The following GAD1 variants were observed in gnomAD, a reference collection of about 807,000 sequenced individuals.
GAD1 encodes the protein 67 kDa glutamic acid decarboxylase.
In GAD1, 35 loss-of-function variants were observed where a neutral mutation model predicts 75.2. The observed-to-expected ratio is 0.47, with a 90% CI of 0.36 to 0.62. The LOEUF (loss-of-function observed/expected upper bound fraction) is 0.62, where lower values mean the gene tolerates loss of function less well. Among genes scored for constraint, GAD1 ranks in the 20% least tolerant of loss-of-function variants. The probability of loss-of-function intolerance (pLI) is 0.00; values close to 1 mark genes in which losing one functional copy is unlikely to be tolerated. For missense variants in GAD1, 490 were observed against 758.5 expected (o/e 0.65, Z 4.16); for synonymous variants, 257 against 271.9 (o/e 0.95, Z 0.54).
chr2:170,858,815 A>G lies in GAD1; in HGVS notation c.1533A>G (p.Thr511=). The G allele has an allele frequency of 6.2e-7, 1 of 1,614,166 alleles. No homozygotes were observed. Among genetic ancestry groups the G allele is most frequent in the Non-Finnish European group, 8.5e-7 (1 of 1,179,992 alleles). ...EMVFNGEPEH[T]NVCFWYIPQS... ...TAAAATCTCTGCAGCCTGAGCACAC[A>G]AACGTCTGTTTTTGGTATATTCCAC... Residue 511 remains threonine, a synonymous_variant, in exon 16 of 17, where the codon ACA becomes ACG. Coordinates refer to ENST00000358196, the MANE Select transcript of GAD1 (RefSeq NM_000817.3).
upstream of GAD1, among the ~76,000 whole-genome samples, chr2:170,815,875 A>C (rs886560928): frequency 2.6e-5 from 4 of 152,208 alleles, no homozygotes; most frequent in East Asian, 7.7e-4. Flanking sequence ...CCGGGAGCGC[A>C]GGGCCTCTCC....
In GAD1 at chr2:170,853,815, A is replaced by G; in HGVS notation, c.1264-58A>G. Reference sequence around the variant, plus strand: ...CTCCTTCCAAGCAGCCTAGTTTTAAAGCCACCCACATCTCTGATGTGTAAA... The same window carrying G: ...CTCCTTCCAAGCAGCCTAGTTTTAAGGCCACCCACATCTCTGATGTGTAAA... On this transcript the variant is annotated intron_variant, in intron 13 of 16. Coordinates refer to ENST00000358196, the MANE Select transcript of GAD1 (RefSeq NM_000817.3). The surrounding 1 kb of genome is among the most constrained non-coding windows in gnomAD (Gnocchi z 4.1). The G allele has an allele frequency of 6.3e-7, 1 of 1,593,956 alleles. No homozygotes were observed. Among genetic ancestry groups the G allele is most frequent in the Non-Finnish European group, 8.6e-7 (1 of 1,162,130 alleles).
upstream of GAD1, among the ~76,000 whole-genome samples, chr2:170,815,865 C>G (rs6755102): frequency 1.3e-5 from 2 of 152,188 alleles, no homozygotes; most frequent in Non-Finnish European, 1.5e-5. Context: ...GCGGAGAGAC[C>G]CGGGAGCGCA....
intron 3 of GAD1, 89 bp downstream of exon 3, chr2:170,822,238 A>G (rs1701906750): frequency 9.5e-7 from 1 of 1,051,290 alleles, no homozygotes; most frequent in African/African-American, 1.6e-5. Context: ...GCGGAGGGGG[A>G]TCCGGGCTCA....
intron 14 of GAD1, 37 bp from the exon 15 acceptor site, chr2:170,856,981 A>G (rs1171573791): frequency 6.5e-7 from 1 of 1,541,678 alleles, no homozygotes; most frequent in African/African-American, 1.4e-5. Context: ...ATCACAGGGA[A>G]ATGCAACCAC....
chr2:170,822,034 C>G, intron 2 of GAD1, 53 bp from the exon 3 acceptor site: 1 of 1,450,452 alleles, frequency 6.9e-7, no homozygotes. Flanking sequence ...CCACCCATTT[C>G]CCCGCGGTCG....
intron 10 of GAD1, among the ~76,000 whole-genome samples, 171 bp downstream of exon 10, chr2:170,846,234 C>T (rs1050430821): frequency 5.9e-5 from 9 of 152,280 alleles, no homozygotes; most frequent in Non-Finnish European, 1.0e-4. Flanking sequence ...GCTGTGTCTA[C>T]ACAATATCAG....
rs549724479 is a variant in GAD1 at position 170,853,119 on chromosome 2, C to T, written c.1263+327C>T. ...GGTGAGGCATCCAATCAGTTTTGTC[C>T]TCAGTGAGGACAAAAGCACTCACTG... On this transcript the variant is annotated intron_variant, in intron 13 of 16. Coordinates refer to ENST00000358196, the MANE Select transcript of GAD1 (RefSeq NM_000817.3). This position sits in a 1 kb window ranked among gnomAD's most constrained non-coding sequence, Gnocchi z 4.1. The T allele has an allele frequency of 1.5e-4, 62 of 410,986 alleles. No homozygotes were observed. Among genetic ancestry groups the T allele is most frequent in the African/African-American group, 9.3e-4 (46 of 49,382 alleles). The allele number at this position is 410,986 out of a possible 1,614,324, so 25.5% of individuals were successfully genotyped here.
intron 3 of GAD1, 110 bp from the exon 4 acceptor site, chr2:170,829,360 CTTCTT>C: frequency 8.2e-7 from 1 of 1,226,574 alleles, no homozygotes; most frequent in Non-Finnish European, 1.2e-6. Flanking sequence ...CAGACACTCA[CTTCTT>C]TTCTCAGGAG....
intron 12 of GAD1, among the ~76,000 whole-genome samples, chr2:170,849,941 A>G (rs1575444279): frequency 6.6e-6 from 1 of 152,198 alleles, no homozygotes; most frequent in Admixed American, 6.5e-5. Flanking sequence ...TTTCTTTTTC[A>G]CTGTTCAAAT....
chr2:170,824,436 T>C (rs952268685), intron 3 of GAD1, among the ~76,000 whole-genome samples: 25 of 150,168 alleles, frequency 1.7e-4, no homozygotes, highest in Non-Finnish European at 2.8e-4. Flanking sequence ...CCTTCATCCC[T>C]GGAGGGATGG....
chr2:170,842,666 C>T, intron 6 of GAD1: 1 of 1,613,820 alleles, frequency 6.2e-7, no homozygotes, highest in East Asian at 2.2e-5. Flanking sequence ...TAACTGCACA[C>T]ATGGTTTCCA....
intron 16 of GAD1, 23 bp from the exon 17 acceptor site, chr2:170,859,686 T>C (rs756795689): frequency 4.3e-6 from 7 of 1,613,428 alleles, no homozygotes; most frequent in Non-Finnish European, 5.9e-6. Context: ...TCTTGAGTTT[T>C]GTTTTGTGTT....
chr2:170,852,247 G>A (rs1327163715), intron 12 of GAD1, among the ~76,000 whole-genome samples: 2 of 152,158 alleles, frequency 1.3e-5, no homozygotes, highest in African/African-American at 4.8e-5. Flanking sequence ...ATGTGTGCCA[G>A]GCACTCTTAT....
chr2:170,834,729 C>T (rs1702326363), intron 5 of GAD1, among the ~76,000 whole-genome samples: 1 of 151,952 alleles, frequency 6.6e-6, no homozygotes, highest in South Asian at 2.1e-4. Context: ...AAAGCAAATC[C>T]CCAACATAAT....
At position 170,859,855 on chromosome 2, in the gene GAD1, G is replaced by A. The variant is rs749549342; in HGVS notation, c.1758G>A (p.Glu586=). ...CTGACATTGACTTCCTCATTGAGGA[G>A]ATAGAAAGACTGGGCCAGGATCTGT... ...TQSDIDFLIE[E]IERLGQDL is the part of the protein sequence containing the mutation. The change falls in exon 17 of 17, where the codon GAG becomes GAA. Residue 586 remains glutamate (E), a synonymous_variant. Transcript: ENST00000358196. 2.5e-6 allele frequency: 4 copies of A among 1,614,160 alleles called. No individual in the cohort carries two copies. The highest frequency in any genetic ancestry group is 3.4e-6 in the Non-Finnish European group (4 of 1,180,020).
chr2:170,821,865 G>A (rs1003801515), intron 2 of GAD1: 34 of 575,122 alleles, frequency 5.9e-5, no homozygotes, highest in Non-Finnish European at 9.4e-5. Context: ...CAGAGACACC[G>A]TTCCATATTT....
rs531573575 is a variant in GAD1, at chr2:170,860,618, C to A, written c.*736C>A. 1 of 152,496 alleles carries A rather than the reference C, an allele frequency of 6.6e-6. No individual in the cohort carries two copies. The highest frequency in any genetic ancestry group is 1.5e-5 in the Non-Finnish European group (1 of 68,020). 9.4% of individuals were successfully genotyped at this position (152,496 alleles called of 1,614,324 possible). A position where few individuals can be genotyped will look rare whatever the true frequency, so the allele number is the denominator to read the frequency against. On this transcript the variant is annotated 3_prime_UTR_variant, in exon 17 of 17. Coordinates refer to ENST00000358196, the MANE Select transcript of GAD1 (RefSeq NM_000817.3). Reference sequence around the variant, plus strand: ...TCAGAGATGTACCATGTTAAAGAGGCGTCTTGTATTTTCTTCCCATTTGTA... The same window carrying A: ...TCAGAGATGTACCATGTTAAAGAGGAGTCTTGTATTTTCTTCCCATTTGTA...
chr2:170,829,727 A>G (rs879089573), intron 4 of GAD1, 94 bp downstream of exon 4: 1 of 1,372,806 alleles, frequency 7.3e-7, no homozygotes. Flanking sequence ...TTTTATCAAG[A>G]AATGTCATTA....
Sources: gnomAD v4.1 joint callset for allele counts (sites outside exome capture counted in the v4.1 genomes callset) on GRCh38, gnomAD v4.1.1 for gene constraint, Gnocchi (gnomAD v3.1) non-coding constraint, MANE v1.5 for transcripts, NCBI Gene and HGNC (gene_info 2026-07-23, HGNC 2026-07-21) for gene names.